The following DLGAP5 variants were observed in gnomAD, a reference collection of about 807,000 sequenced individuals.
DLGAP5 encodes DLG associated protein 5, also known as disks large-associated protein 5.
In DLGAP5, 90 loss-of-function variants were observed where a neutral mutation model predicts 99.6. The observed-to-expected ratio is 0.90, with a 90% confidence interval of 0.76 to 1.08. The LOEUF is 1.08. Among genes scored for constraint, DLGAP5 ranks in the 50% least tolerant of loss-of-function variants. DLGAP5 has a pLI of 0.00. For missense variants in DLGAP5, 1,036 were observed against 983.5 expected, an observed-to-expected ratio of 1.05 and a Z score of -0.71; for synonymous variants, 311 against 321.3, an observed-to-expected ratio of 0.97 and a Z score of 0.34.
chr14:55,153,598 GCTCT>G (rs1263658233), intron 15 of DLGAP5, among the ~76,000 whole-genome samples: 2 of 151,720 alleles, frequency 1.3e-5, no homozygotes, highest in African/African-American at 2.4e-5. Context: ...AAAAAGATAT[GCTCT>G]ATTTTTCTAG....
chr14:55,157,745 C>T (rs182757572), intron 14 of DLGAP5, among the ~76,000 whole-genome samples: 90 of 152,200 alleles, frequency 5.9e-4, no homozygotes, highest in African/African-American at 1.9e-3. Flanking sequence ...CAAATAAAAC[C>T]AAATCCACTT....
At position 55,158,552 on chromosome 14, in the gene DLGAP5, T is replaced by C. The variant is rs1279452185; in HGVS notation, c.1843A>G (p.Arg615Gly). ...DKIVFDAGFF[R>G]VESPVKLFSG... ...AATAATTTAACAGGACTTTCAACTC[T>C]GAAAAATCCAGCATCGAACACTATT... The change falls in exon 14 of 19, where the codon AGA (arginine) becomes GGA (glycine). Residue 615 changes from arginine (R) to glycine (G), a missense_variant. Coordinates refer to ENST00000247191, the MANE Select transcript of DLGAP5 (RefSeq NM_014750.5). The C allele has an allele frequency of 5.6e-6, 9 of 1,613,966 alleles. No individual in the cohort carries two copies. Among genetic ancestry groups the C allele is most frequent in the Non-Finnish European group, 7.6e-6 (9 of 1,179,932 alleles).
At chr14:55,155,393 C>T (rs886355179) in intron 14 of DLGAP5, among the ~76,000 whole-genome samples, 2 of 149,426 alleles carry the variant, frequency 1.3e-5, no homozygotes, top group African/African-American at 4.9e-5. Flanking sequence ...GTTGCCCAGG[C>T]TGGAGTGTAA....
chr14:55,178,488 G>A (rs1264082344), intron 7 of DLGAP5, among the ~76,000 whole-genome samples: 1 of 152,170 alleles, frequency 6.6e-6, no homozygotes, highest in Non-Finnish European at 1.5e-5. Context: ...GAGGTTTCCA[G>A]GTTTCTGATT....
In DLGAP5 at chr14:55,175,382, C is replaced by T. The variant is rs377026946; in HGVS notation, c.1265G>A (p.Arg422Gln). 34 of 1,609,596 alleles carry T rather than the reference C, an allele frequency of 2.1e-5. No homozygotes were observed. The Admixed American group carries it at 2.4e-4, about 11-fold the overall frequency. Residue 422 changes from arginine (R) to glutamine (Q), a missense_variant, in exon 10 of 19, where the codon CGA (arginine) becomes CAA (glutamine). Arg to Gln is a conservative substitution (Grantham distance 43). Transcript: ENST00000247191. ...EVPSLERNEG[R>Q]IAQPHHGVPY... ...CACACCATGGTGGGGCTGAGCAATT[C>T]GACCTTCATTTCTTTCAAGTGATGG... is the stretch of plus-strand genomic sequence containing the variant.
intron 7 of DLGAP5, among the ~76,000 whole-genome samples, chr14:55,178,238 C>G (rs999667804): frequency 6.6e-6 from 1 of 151,358 alleles, no homozygotes; most frequent in South Asian, 2.1e-4. Flanking sequence ...GGCGACAGAG[C>G]GAGACTCTGT....
At chr14:55,159,630 C>A (rs1882344290) in intron 13 of DLGAP5, among the ~76,000 whole-genome samples, 2 of 152,112 alleles carry the variant, frequency 1.3e-5, no homozygotes, top group Non-Finnish European at 2.9e-5. Context: ...TGAGACAGGG[C>A]AACATTGGTG....
rs1408937750 is a variant in DLGAP5 at position 55,179,635 on chromosome 14, G to A, written c.768C>T (p.Pro256=). ...AAAGATGTTTATTCTCTACCTTGTCGGGTTTTGTTTCTACATTTTTGGCAG... is the reference window on the plus strand; with the variant it reads ...AAAGATGTTTATTCTCTACCTTGTCAGGTTTTGTTTCTACATTTTTGGCAG... ...GRPAKNVETK[P]DKGISCKVDS... Residue 256 remains proline, a synonymous_variant, in exon 7 of 19, where the codon CCC becomes CCT. Transcript: ENST00000247191. The A allele has an allele frequency of 3.3e-5, 53 of 1,610,480 alleles. No homozygotes were observed. Among genetic ancestry groups the A allele is most frequent in the Non-Finnish European group, 4.1e-5 (48 of 1,178,462 alleles).
At chr14:55,151,671 T>G in intron 17 of DLGAP5, 24 bp downstream of exon 17, 1 of 1,600,252 alleles carries the variant, frequency 6.2e-7, no homozygotes, top group Middle Eastern at 1.7e-4. Context: ...AAAGGCTCGT[T>G]TAAATATATT....
At position 55,148,204 on chromosome 14, in the gene DLGAP5, C is replaced by A; in HGVS notation, c.*147G>T. The A allele has an allele frequency of 1.2e-6, 1 of 817,198 alleles. No homozygotes were observed. Among genetic ancestry groups the A allele is most frequent in the Non-Finnish European group, 1.8e-6 (1 of 541,272 alleles). The allele number at this position is 817,198 out of a possible 1,614,324, so 50.6% of individuals were successfully genotyped here. A position where few individuals can be genotyped will look rare whatever the true frequency, so the allele number is the denominator to read the frequency against. On this transcript the variant is annotated 3_prime_UTR_variant, in exon 19 of 19. Transcript: ENST00000247191. ...CCACTTCCCTTGAGAAAGAGTATAT[C>A]TAAAATACACTTTGATGAACACAGA... is the stretch of plus-strand genomic sequence containing the variant.
intron 11 of DLGAP5, among the ~76,000 whole-genome samples, chr14:55,170,325 G>A (rs1437151793): frequency 2.0e-5 from 3 of 149,370 alleles, no homozygotes; most frequent in African/African-American, 7.7e-5. Context: ...TTCATTCAGA[G>A]TATATTTTTG....
At chr14:55,151,670 T>C in intron 17 of DLGAP5, 25 bp downstream of exon 17, 1 of 1,599,454 alleles carries the variant, frequency 6.3e-7, no homozygotes, top group Non-Finnish European at 8.5e-7. Context: ...TAAAGGCTCG[T>C]TTAAATATAT....
intron 8 of DLGAP5, 112 bp from the exon 9 acceptor site, chr14:55,176,130 A>AT: frequency 2.0e-6 from 2 of 989,552 alleles, no homozygotes; most frequent in Non-Finnish European, 2.8e-6. Context: ...AAATGTTTCT[A>AT]TTTTTTTAAA....
chr14:55,152,679 TA>T, intron 15 of DLGAP5, 32 bp from the exon 16 acceptor site: 1 of 1,540,666 alleles, frequency 6.5e-7, no homozygotes, highest in Non-Finnish European at 8.8e-7. Flanking sequence ...ATTACACTCA[TA>T]AACATATTGT....
In DLGAP5 at chr14:55,154,772, T is replaced by A; in HGVS notation, c.1908A>T (p.Arg636Ser). ...LSVSSEGPSQ[R>S]LGTPKSVNKA... The stretch of plus-strand genomic sequence containing the variant: ...TGTTGACAGACTTAGGTGTTCCAAG[T>A]CTTTGAGAAGGGCCTTCAGAAGAGA... The change falls in exon 15 of 19, where the codon AGA becomes AGT. Residue 636 changes from arginine to serine, a missense_variant. Coordinates refer to ENST00000247191, the MANE Select transcript of DLGAP5 (RefSeq NM_014750.5). 9 of 1,614,128 alleles carry A rather than the reference T, an allele frequency of 5.6e-6. No individual in the cohort carries two copies. Among genetic ancestry groups the A allele is most frequent in the Non-Finnish European group, 7.6e-6 (9 of 1,179,996 alleles).
intron 12 of DLGAP5, among the ~76,000 whole-genome samples, chr14:55,165,524 A>C (rs1882606387): frequency 6.6e-6 from 1 of 151,508 alleles, no homozygotes; most frequent in African/African-American, 2.4e-5. Context: ...ACCCTGACTT[A>C]AAAAACAAAA....
At chr14:55,170,090 G>A (rs888467283) in intron 11 of DLGAP5, among the ~76,000 whole-genome samples, 1 of 151,726 alleles carries the variant, frequency 6.6e-6, no homozygotes, top group Non-Finnish European at 1.5e-5. Flanking sequence ...AGCCGATATG[G>A]CGCCATTGCA....
At position 55,162,986 on chromosome 14, in the gene DLGAP5, G is replaced by T. The variant is rs1429013375; in HGVS notation, c.1638C>A (p.Asn546Lys). Residue 546 changes from asparagine to lysine, a missense_variant, in exon 13 of 19, where the codon AAC becomes AAA. By Grantham distance (94) the Asn-to-Lys change is moderately conservative. Coordinates refer to ENST00000247191, the MANE Select transcript of DLGAP5 (RefSeq NM_014750.5). ...QVNNNMNHNM[N>K]KNVFRKKVVS... Reference sequence around the variant, plus strand: ...ACAAACTTACCCTAAAGACATTTTTGTTCATATTATGATTCATATTATTAT... The same window carrying T: ...ACAAACTTACCCTAAAGACATTTTTTTTCATATTATGATTCATATTATTAT... 1 of 1,566,910 alleles carries T rather than the reference G, an allele frequency of 6.4e-7. No homozygotes were observed. The highest frequency in any genetic ancestry group is 1.2e-5 in the South Asian group (1 of 82,228).
intron 18 of DLGAP5, chr14:55,150,585 T>C (rs974114434): frequency 9.3e-6 from 3 of 322,328 alleles, no homozygotes; most frequent in South Asian, 8.2e-5. Flanking sequence ...AAAAACCATA[T>C]AGAAAAACAT....
Sources: allele counts gnomAD v4.1 joint callset (sites outside exome capture counted in the v4.1 genomes callset), GRCh38; gene constraint gnomAD v4.1.1; transcripts MANE v1.5; gene names NCBI Gene and HGNC (gene_info 2026-07-23, HGNC 2026-07-21).